The following MAPKAP1 variants were observed in gnomAD, a reference collection of about 807,000 sequenced individuals.
The protein encoded by MAPKAP1 is target of rapamycin complex 2 subunit MAPKAP1.
A neutral mutation model predicts 65.7 loss-of-function variants in MAPKAP1; 20 were observed. The ratio of observed to expected loss-of-function variants is 0.30; its 90% CI spans 0.21 to 0.44. MAPKAP1 has a LOEUF of 0.44. Among genes scored for constraint, MAPKAP1 ranks in the 20% least tolerant of loss-of-function variants. MAPKAP1 has a pLI of 1.00. For synonymous variants in MAPKAP1, 222 were observed against 244.3 expected (o/e 0.91, Z 0.85); for missense variants, 423 against 648.0 (o/e 0.65, Z 3.77).
intron 10 of MAPKAP1, among the ~76,000 whole-genome samples, chr9:125,454,663 G>A (rs1853099932): frequency 6.6e-6 from 1 of 152,120 alleles, no homozygotes; most frequent in African/African-American, 2.4e-5. Flanking sequence ...TTTTTGGAAT[G>A]CTCTTTAATA....
intron 4 of MAPKAP1, among the ~76,000 whole-genome samples, chr9:125,623,712 G>A (rs1341807237): frequency 1.1e-4 from 4 of 35,658 alleles, no homozygotes; most frequent in African/African-American, 2.1e-4. Flanking sequence ...GGTGGGGGGG[G>A]GGTCAGCCCC....
rs1830647490 is a variant in MAPKAP1, at chr9:125,553,549, T to TGGGAG, written c.848+6079_848+6083dup. Among the ~76,000 whole-genome samples the TGGGAG allele has an allele frequency of 2.7e-5, 4 of 148,002 alleles. No individual in the cohort carries two copies. The South Asian group carries it at 8.7e-4, about 32-fold the overall frequency. On this transcript the variant is annotated intron_variant, in intron 6 of 11. Transcript: ENST00000265960. ...AAGAGTGAAACTCTACCCAAAAAAATGGGAGGGGAGGGGAGGGCAAGACGG... is the reference window on the plus strand; with the variant it reads ...AAGAGTGAAACTCTACCCAAAAAAATGGGAGGGGAGGGGAGGGGAGGGCAAGACGG...
intron 3 of MAPKAP1, among the ~76,000 whole-genome samples, chr9:125,664,821 T>C (rs1375055690): frequency 6.7e-6 from 1 of 149,962 alleles, no homozygotes; most frequent in East Asian, 2.0e-4. Context: ...TTTCTGCCAA[T>C]GATATGGGAG....
At chr9:125,606,313 T>C (rs891159652) in intron 4 of MAPKAP1, among the ~76,000 whole-genome samples, 5 of 152,112 alleles carry the variant, frequency 3.3e-5, no homozygotes, top group Non-Finnish European at 7.4e-5. Flanking sequence ...AGGGATAACA[T>C]ACCAAAATAT....
chr9:125,701,436 C>T (rs1443731832), intron 1 of MAPKAP1, among the ~76,000 whole-genome samples: 3 of 152,172 alleles, frequency 2.0e-5, no homozygotes, highest in African/African-American at 7.2e-5. Flanking sequence ...GACCAAACTC[C>T]AAAGGCTGTT....
intron 4 of MAPKAP1, among the ~76,000 whole-genome samples, chr9:125,604,402 G>C (rs1464917450): frequency 6.6e-6 from 1 of 152,158 alleles, no homozygotes; most frequent in African/African-American, 2.4e-5. Flanking sequence ...TGCTTTATCT[G>C]CATTGTAATC....
chr9:125,470,843 G>C (rs1008891501), intron 9 of MAPKAP1, among the ~76,000 whole-genome samples: 1 of 151,906 alleles, frequency 6.6e-6, no homozygotes, highest in Non-Finnish European at 1.5e-5. Context: ...TTTCTGAATC[G>C]AATCACATTT....
chr9:125,625,613 G>A (rs1490886257), intron 4 of MAPKAP1, among the ~76,000 whole-genome samples: 1 of 152,098 alleles, frequency 6.6e-6, no homozygotes, highest in Non-Finnish European at 1.5e-5. Flanking sequence ...TGGCCAACAT[G>A]GTGAAACCCC....
At chr9:125,691,809 A>G (rs1216666064) in intron 1 of MAPKAP1, among the ~76,000 whole-genome samples, 1 of 152,214 alleles carries the variant, frequency 6.6e-6, no homozygotes, top group Non-Finnish European at 1.5e-5. Flanking sequence ...TAAGAAGTTC[A>G]CTGCTGGACT....
At chr9:125,579,468 T>C (rs1041534579) in intron 5 of MAPKAP1, among the ~76,000 whole-genome samples, 7 of 152,204 alleles carry the variant, frequency 4.6e-5, no homozygotes, top group South Asian at 2.1e-4. Flanking sequence ...ATTTTTTGTA[T>C]ATTTTGTAGA....
chr9:125,704,808 T>G (rs1249503929), intron 1 of MAPKAP1, among the ~76,000 whole-genome samples: 2 of 152,210 alleles, frequency 1.3e-5, no homozygotes, highest in African/African-American at 4.8e-5. Context: ...CTTTGTATCT[T>G]ATAGCTATTT....
chr9:125,649,307 G>T (rs1833823688), intron 4 of MAPKAP1, among the ~76,000 whole-genome samples: 1 of 152,170 alleles, frequency 6.6e-6, no homozygotes. Flanking sequence ...TAATCTCATT[G>T]TAACAAAAAT....
chr9:125,550,091 G>A (rs2062514238), intron 6 of MAPKAP1, among the ~76,000 whole-genome samples: 5 of 152,210 alleles, frequency 3.3e-5, no homozygotes, highest in South Asian at 2.1e-4. Context: ...GGTCCCAGGC[G>A]GGGTTCCATA....
chr9:125,492,233 G>A (rs1360763256), intron 8 of MAPKAP1, among the ~76,000 whole-genome samples: 1 of 152,112 alleles, frequency 6.6e-6, no homozygotes, highest in African/African-American at 2.4e-5. Context: ...CAAAACAAAA[G>A]CTCTTTGGGT....
At chr9:125,459,451 G>A (rs1284912379) in intron 10 of MAPKAP1, among the ~76,000 whole-genome samples, 1 of 152,076 alleles carries the variant, frequency 6.6e-6, no homozygotes, top group East Asian at 1.9e-4. Flanking sequence ...CACTTTGGGA[G>A]GCCAAGGCAG....
chr9:125,607,184 T>C (rs972843404), intron 4 of MAPKAP1, among the ~76,000 whole-genome samples: 10 of 152,246 alleles, frequency 6.6e-5, no homozygotes, highest in Non-Finnish European at 1.0e-4. Context: ...TAATCACTTA[T>C]GACCTACAAA....
chr9:125,678,184 T>C (rs923020987), intron 1 of MAPKAP1, among the ~76,000 whole-genome samples: 1 of 152,138 alleles, frequency 6.6e-6, no homozygotes, highest in Non-Finnish European at 1.5e-5. Context: ...TCCTAAAGTG[T>C]TGGGATTACA....
intron 3 of MAPKAP1, among the ~76,000 whole-genome samples, chr9:125,659,495 T>G (rs1220409301): frequency 2.0e-5 from 3 of 152,106 alleles, no homozygotes; most frequent in Non-Finnish European, 4.4e-5. Context: ...AAAGAGAACT[T>G]TTGCATGCTC....
intron 4 of MAPKAP1, among the ~76,000 whole-genome samples, chr9:125,654,564 C>G (rs1833979660): frequency 6.6e-6 from 1 of 152,182 alleles, no homozygotes; most frequent in Non-Finnish European, 1.5e-5. Flanking sequence ...AGGCACATGC[C>G]TAAGTACAGC....
Sources: gnomAD v4.1 joint callset for allele counts (sites outside exome capture counted in the v4.1 genomes callset) on GRCh38, gnomAD v4.1.1 for gene constraint, MANE v1.5 for transcripts, NCBI Gene and HGNC (gene_info 2026-07-23, HGNC 2026-07-21) for gene names.